The following SHISA9 variants were observed in gnomAD, a reference collection of about 807,000 sequenced individuals.
SHISA9 encodes the protein protein shisa-9.
In SHISA9, 13 loss-of-function variants were observed where a neutral mutation model predicts 38.0. That is an observed-to-expected ratio of 0.34 (90% CI 0.22 to 0.54). SHISA9 has a LOEUF of 0.54. Among genes scored for constraint, SHISA9 ranks in the 20% least tolerant of loss-of-function variants. The probability of loss-of-function intolerance (pLI) is 0.91; values close to 1 mark genes in which losing one functional copy is unlikely to be tolerated. For synonymous variants in SHISA9, 275 were observed against 242.0 expected, an observed-to-expected ratio of 1.14 and a Z score of -1.27; for missense variants, 538 against 575.8, an observed-to-expected ratio of 0.93 and a Z score of 0.67.
the SHISA9 span, among the ~76,000 whole-genome samples, chr16:13,272,505 A>G: frequency 3.9e-3 from 587 of 152,226 alleles, 4 homozygotes; most frequent in African/African-American, 0.013. Context: ...TGGTATTACA[A>G]GCGTGAGCCA....
chr16:13,225,216 C>T (rs139622175), intron 4 of SHISA9, among the ~76,000 whole-genome samples: 1,896 of 152,224 alleles, frequency 0.012, 20 homozygotes, highest in Non-Finnish European at 0.02. Context: ...ACCAGAAATT[C>T]GAAGAGGCAA....
chr16:12,933,591 C>T (rs1296424773), intron 2 of SHISA9, among the ~76,000 whole-genome samples: 1 of 152,110 alleles, frequency 6.6e-6, no homozygotes. Flanking sequence ...CCATGACCAG[C>T]CCAGAATTGT....
chr16:13,405,718 T>C, the SHISA9 span, among the ~76,000 whole-genome samples: 4 of 152,144 alleles, frequency 2.6e-5, no homozygotes, highest in Non-Finnish European at 5.9e-5. Flanking sequence ...AGCAAGAACA[T>C]GTGGTATTTG....
chr16:13,213,106 C>T, intron 3 of SHISA9, 147 bp from the exon 4 acceptor site: 1 of 649,164 alleles, frequency 1.5e-6, no homozygotes, highest in East Asian at 2.7e-5. Context: ...ACACGTGGCT[C>T]CCTTCCCTGT....
intron 2 of SHISA9, among the ~76,000 whole-genome samples, chr16:12,965,907 C>T (rs2071971820): frequency 6.6e-6 from 1 of 152,198 alleles, no homozygotes; most frequent in Non-Finnish European, 1.5e-5. Context: ...GCGATAAGTG[C>T]TTATCTTAGG....
rs140176193 is a variant in SHISA9, at chr16:13,074,886, A to C, written c.692-128508A>C. 5.5e-3 allele frequency among the ~76,000 whole-genome samples: 838 copies of C among 151,258 alleles called. 6 individuals carry two copies. The highest frequency in any genetic ancestry group is 0.019 in the African/African-American group (796 of 41,274). On this transcript the variant is annotated intron_variant, in intron 2 of 4. Transcript: ENST00000558583. ...ACCAAGTTGGCCAGGCTGGTCTCAA[A>C]CTCCTGACCTCAGGTGATCCACCTG... is the stretch of plus-strand genomic sequence containing the variant.
chr16:13,061,924 C>T (rs1323512022), intron 2 of SHISA9, among the ~76,000 whole-genome samples: 1 of 152,122 alleles, frequency 6.6e-6, no homozygotes, highest in Non-Finnish European at 1.5e-5. Flanking sequence ...AGAGCCTGCA[C>T]AAGTTCCTTA....
intron 2 of SHISA9, among the ~76,000 whole-genome samples, chr16:13,190,454 C>G (rs1410665093): frequency 6.6e-6 from 1 of 152,168 alleles, no homozygotes; most frequent in Non-Finnish European, 1.5e-5. Flanking sequence ...ATACATGATG[C>G]TACTTCAAAT....
chr16:13,431,369 T>C, the SHISA9 span, among the ~76,000 whole-genome samples: 73 of 152,360 alleles, frequency 4.8e-4, no homozygotes, highest in African/African-American at 1.7e-3. Flanking sequence ...GCAATTTCTA[T>C]TGAAGTTCAT....
intron 2 of SHISA9, among the ~76,000 whole-genome samples, chr16:13,032,297 A>G (rs2073001543): frequency 6.6e-6 from 1 of 152,086 alleles, no homozygotes; most frequent in Non-Finnish European, 1.5e-5. Flanking sequence ...TTCCTGTGTC[A>G]GTTTGCTGAG....
At chr16:13,092,632 C>T (rs2073786790) in intron 2 of SHISA9, among the ~76,000 whole-genome samples, 1 of 152,230 alleles carries the variant, frequency 6.6e-6, no homozygotes, top group Admixed American at 6.5e-5. Context: ...CCAAGCCAGG[C>T]ACAGGAGAGA....
chr16:13,190,522 T>C (rs563969210), intron 2 of SHISA9, among the ~76,000 whole-genome samples: 1 of 152,342 alleles, frequency 6.6e-6, no homozygotes, highest in East Asian at 1.9e-4. Context: ...AGAATACAGA[T>C]GAGCAAGGCC....
At chr16:13,127,073 GGA>G (rs2050265445) in intron 2 of SHISA9, among the ~76,000 whole-genome samples, 2 of 142,234 alleles carry the variant, frequency 1.4e-5, no homozygotes, top group South Asian at 4.8e-4. Context: ...AGAGAGAGAG[GGA>G]GAGAGACAGC....
At chr16:13,539,874 T>G in the SHISA9 span, among the ~76,000 whole-genome samples, 80 of 152,332 alleles carry the variant, frequency 5.3e-4, 1 homozygote, top group Non-Finnish European at 9.8e-4. Context: ...TGTGTTAATT[T>G]GCTCAAGATA....
chr16:13,444,370 AAAG>A, the SHISA9 span, among the ~76,000 whole-genome samples: 1 of 144,492 alleles, frequency 6.9e-6, no homozygotes, highest in South Asian at 2.3e-4. Context: ...GACTCTGTGA[AAAG>A]AAAGAGAGAA....
chr16:13,093,918 A>G (rs4781404), intron 2 of SHISA9, among the ~76,000 whole-genome samples: 11,283 of 152,102 alleles, frequency 0.074, 612 homozygotes, highest in Admixed American at 0.19. Flanking sequence ...GGTGTGGCTC[A>G]TCCCTCCCCT....
At chr16:12,988,616 C>G (rs2072343772) in intron 2 of SHISA9, among the ~76,000 whole-genome samples, 1 of 152,112 alleles carries the variant, frequency 6.6e-6, no homozygotes, top group Admixed American at 6.6e-5. Context: ...CTTCCGCCTC[C>G]CCAGTTCAAC....
intron 2 of SHISA9, among the ~76,000 whole-genome samples, chr16:12,977,609 C>A (rs2072181358): frequency 6.6e-6 from 1 of 152,134 alleles, no homozygotes; most frequent in East Asian, 1.9e-4. Context: ...AATGTGGTAC[C>A]TGTCACCATG....
At chr16:13,022,457 A>G (rs567872525) in intron 2 of SHISA9, among the ~76,000 whole-genome samples, 2 of 151,962 alleles carry the variant, frequency 1.3e-5, no homozygotes, top group South Asian at 4.2e-4. Flanking sequence ...TCAGCCTCCC[A>G]AGTAGCTGGG....
Sources: allele counts gnomAD v4.1 joint callset (sites outside exome capture counted in the v4.1 genomes callset), GRCh38; gene constraint gnomAD v4.1.1; transcripts MANE v1.5; gene names NCBI Gene and HGNC (gene_info 2026-07-23, HGNC 2026-07-21).